ZDHHC11: variants seen among roughly 807,000 people sequenced by gnomAD.
The protein encoded by ZDHHC11 is palmitoyltransferase ZDHHC11.
ZDHHC11 carries 44 observed loss-of-function variants against 51.3 expected under a neutral mutation model. The observed-to-expected ratio is 0.86, with a 90% confidence interval of 0.67 to 1.10. The LOEUF is 1.10. Ranked by LOEUF, ZDHHC11 falls within the 50% of genes least tolerant of loss-of-function variation. The pLI is 0.00. For missense variants in ZDHHC11, 400 were observed against 537.7 expected (o/e 0.74, Z 2.53); for synonymous variants, 163 against 222.0 (o/e 0.73, Z 2.36).
intron 4 of ZDHHC11, chr5:841,845 G>C: frequency 4.0e-6 from 4 of 992,620 alleles, no homozygotes; most frequent in Non-Finnish European, 4.8e-6. Flanking sequence ...ATTCAGCATG[G>C]ATGTCTTTGG....
Position 802,822 on chromosome 5 carries a change from AT to A in ZDHHC11, c.1182-1659del, listed in dbSNP as rs1579529755. On this transcript the variant is annotated intron_variant, in intron 11 of 12. Transcript: ENST00000283441. ...CTCTGTCTCTACTAAAAATACAAAA[AT>A]ACAAAAAAAAAAAAAAAAAAAAAAA... is the stretch of plus-strand genomic sequence containing the variant. 5.9e-5 allele frequency among the ~76,000 whole-genome samples: 7 copies of A among 118,082 alleles called. No individual in the cohort carries two copies. The East Asian group carries it at 2.0e-3, about 33-fold the overall frequency. 77.5% of individuals were successfully genotyped at this position (118,082 alleles called of 152,430 possible). A position where few individuals can be genotyped will look rare whatever the true frequency, so the allele number is the denominator to read the frequency against.
chr5:857,540 T>C (rs1302825750), intron 1 of ZDHHC11, among the ~76,000 whole-genome samples: 1 of 150,834 alleles, frequency 6.6e-6, no homozygotes, highest in Non-Finnish European at 1.5e-5. Flanking sequence ...CCCTAGAGTC[T>C]GTCCTGGTCC....
intron 4 of ZDHHC11, chr5:842,685 T>A (rs1294826449): frequency 2.0e-6 from 2 of 976,336 alleles, no homozygotes; most frequent in African/African-American, 3.5e-5. Context: ...CTGCAATAAA[T>A]ACATCAAATG....
At chr5:854,957 C>CG (rs1363715255), upstream of ZDHHC11, among the ~76,000 whole-genome samples, 2 of 148,860 alleles carry the variant, frequency 1.3e-5, no homozygotes, top group African/African-American at 2.5e-5. Context: ...GACAGTGAGC[C>CG]GGGGGGCACA....
chr5:857,535 G>A (rs991899627), intron 1 of ZDHHC11, among the ~76,000 whole-genome samples: 1 of 148,932 alleles, frequency 6.7e-6, no homozygotes, highest in Admixed American at 6.7e-5. Flanking sequence ...CAGGCCCCTA[G>A]AGTCTGTCCT....
intron 9 of ZDHHC11, 25 bp downstream of exon 9, chr5:821,836 A>C: frequency 3.1e-6 from 5 of 1,589,626 alleles, no homozygotes; most frequent in Non-Finnish European, 3.4e-6. Context: ...TAGATAAAAT[A>C]ATCCCATTAA....
chr5:859,585 C>T (rs1369384959), upstream of ZDHHC11, among the ~76,000 whole-genome samples: 3 of 152,192 alleles, frequency 2.0e-5, no homozygotes, highest in Admixed American at 6.5e-5. Context: ...CTTTGGCCAC[C>T]GTGGCTCTCA....
chr5:836,456 C>G (rs1220493154), intron 6 of ZDHHC11, among the ~76,000 whole-genome samples: 1 of 150,352 alleles, frequency 6.7e-6, no homozygotes, highest in Non-Finnish European at 1.5e-5. Context: ...CCTGAATGTA[C>G]TGGCTTATGA....
In ZDHHC11 at chr5:843,944, A is replaced by T. The variant is rs1171513528; in HGVS notation, c.504-220T>A. 4.2e-3 allele frequency among the ~76,000 whole-genome samples: 322 copies of T among 77,346 alleles called. 1 individual carries two copies. Among genetic ancestry groups the T allele is most frequent in the South Asian group, 6.7e-3 (15 of 2,242 alleles). The allele number at this position is 77,346 out of a possible 152,430, so 50.7% of individuals were successfully genotyped here. On this transcript the variant is annotated intron_variant, in intron 3 of 12. Transcript: ENST00000283441. ...GGGCATCTGAGGCAGGGGCGGGGGC[A>T]TGCAGGGCAGGTGGGGGGTGCAGAG...
At chr5:813,401 C>T (rs4957088) in intron 11 of ZDHHC11, among the ~76,000 whole-genome samples, 25,806 of 137,302 alleles carry the variant, frequency 0.19, 6,251 homozygotes, top group African/African-American at 0.56. Context: ...ATGAGGCCAG[C>T]TGGGTGCACT....
At position 836,677 on chromosome 5, in the gene ZDHHC11, A is replaced by C. The variant is rs1321562859; in HGVS notation, c.900+688T>G. Reference sequence around the variant, plus strand: ...AGTAGTTTAGTCTCTTGGCTGTTCTATGTCTATTTAGACTTTCTATGTCTT... The same window carrying C: ...AGTAGTTTAGTCTCTTGGCTGTTCTCTGTCTATTTAGACTTTCTATGTCTT... On this transcript the variant is annotated intron_variant, in intron 6 of 12. Coordinates refer to ENST00000283441, the MANE Select transcript of ZDHHC11 (RefSeq NM_024786.3). 4.0e-5 allele frequency among the ~76,000 whole-genome samples: 6 copies of C among 149,600 alleles called. 3 individuals carry two copies. The highest frequency in any genetic ancestry group is 1.5e-4 in the African/African-American group (6 of 40,518).
chr5:848,692 C>G (rs1167502556), intron 1 of ZDHHC11, 32 bp from the exon 2 acceptor site: 1 of 1,610,948 alleles, frequency 6.2e-7, no homozygotes, highest in Admixed American at 1.7e-5. Context: ...TGGCCCAGGG[C>G]CTGGTCAGCC....
intron 12 of ZDHHC11, among the ~76,000 whole-genome samples, chr5:798,286 C>T (rs866647380): frequency 2.6e-5 from 4 of 151,136 alleles, no homozygotes; most frequent in Non-Finnish European, 5.9e-5. Flanking sequence ...CTGCACTCCC[C>T]ACTAGATTTC....
At chr5:848,833 CCCAGCCCTGCACAA>C (rs1247138418) in intron 1 of ZDHHC11, among the ~76,000 whole-genome samples, 173 bp from the exon 2 acceptor site, 5 of 151,574 alleles carry the variant, frequency 3.3e-5, no homozygotes, top group African/African-American at 1.2e-4. Context: ...GCCCTGCACA[CCCAGCCCTGCACAA>C]CTGAGCCCTG....
At chr5:800,982 A>G in intron 12 of ZDHHC11, 118 bp downstream of exon 12, 1 of 1,227,300 alleles carries the variant, frequency 8.1e-7, no homozygotes. Flanking sequence ...CAAGAGACAA[A>G]CGACAAGCAG....
intron 11 of ZDHHC11, among the ~76,000 whole-genome samples, chr5:810,307 G>A (rs1160763224): frequency 6.8e-6 from 1 of 147,100 alleles, no homozygotes; most frequent in Non-Finnish European, 1.5e-5. Context: ...GGGGATTAGG[G>A]TCTTCACACG....
upstream of ZDHHC11, among the ~76,000 whole-genome samples, chr5:859,911 C>G (rs546568597): frequency 1.3e-5 from 2 of 152,302 alleles, no homozygotes; most frequent in East Asian, 3.9e-4. Context: ...CTGACGCTGA[C>G]TTTGGGGGTG....
chr5:849,769 G>A (rs77377279), intron 1 of ZDHHC11: 3,226 of 152,688 alleles, frequency 0.021, 106 homozygotes, highest in African/African-American at 0.069. Flanking sequence ...TGCCTGGGAC[G>A]TCAGCTCCCG....
At chr5:856,509 A>G (rs1748269082) in intron 1 of ZDHHC11, among the ~76,000 whole-genome samples, 1 of 150,148 alleles carries the variant, frequency 6.7e-6, no homozygotes, top group South Asian at 2.1e-4. Context: ...CCACCCACAC[A>G]CCACACAATA....
Sources: allele counts gnomAD v4.1 joint callset (sites outside exome capture counted in the v4.1 genomes callset), GRCh38; gene constraint gnomAD v4.1.1; transcripts MANE v1.5; gene names NCBI Gene and HGNC (gene_info 2026-07-23, HGNC 2026-07-21).